The following AK8 variants were observed in gnomAD, a reference collection of about 807,000 sequenced individuals.
AK8 encodes ATP-AMP transphosphorylase 8.
A neutral mutation model predicts 54.6 loss-of-function variants in AK8; 44 were observed. That is an observed-to-expected ratio of 0.81 (90% confidence interval 0.63 to 1.04). The LOEUF is 1.04. Ranked by LOEUF, AK8 falls within the 50% of genes least tolerant of loss-of-function variation. The pLI is 0.00. For missense variants in AK8, 555 were observed against 613.6 expected, an observed-to-expected ratio of 0.90 and a Z score of 1.01; for synonymous variants, 239 against 245.6, an observed-to-expected ratio of 0.97 and a Z score of 0.25.
intron 11 of AK8, among the ~76,000 whole-genome samples, chr9:132,777,420 C>G (rs1210678722): frequency 6.6e-6 from 1 of 152,138 alleles, no homozygotes; most frequent in Non-Finnish European, 1.5e-5. Context: ...AGAAGTAGAT[C>G]AGAGACGAGC....
intron 2 of AK8, among the ~76,000 whole-genome samples, chr9:132,871,798 C>T (rs1377141339): frequency 3.9e-5 from 6 of 152,248 alleles, no homozygotes; most frequent in African/African-American, 1.4e-4. Context: ...GAGACAAAGG[C>T]AGGGAGGTGG....
At chr9:132,806,703 T>G (rs1357556761) in intron 10 of AK8, among the ~76,000 whole-genome samples, 1 of 152,206 alleles carries the variant, frequency 6.6e-6, no homozygotes, top group Admixed American at 6.5e-5. Flanking sequence ...ATGAGAATAT[T>G]AATTCCCCCT....
At chr9:132,775,394 C>T (rs1839167541) in intron 11 of AK8, among the ~76,000 whole-genome samples, 1 of 152,144 alleles carries the variant, frequency 6.6e-6, no homozygotes, top group African/African-American at 2.4e-5. Flanking sequence ...TTTCCACCTC[C>T]TGGATTCAAG....
At chr9:132,870,323 T>C (rs985842926) in intron 2 of AK8, among the ~76,000 whole-genome samples, 11 of 152,252 alleles carry the variant, frequency 7.2e-5, no homozygotes, top group Admixed American at 5.9e-4. Context: ...TAATTATTTA[T>C]AAACAGTGTC....
intron 5 of AK8, among the ~76,000 whole-genome samples, chr9:132,836,714 C>G (rs1398857525): frequency 6.6e-6 from 1 of 152,192 alleles, no homozygotes; most frequent in Non-Finnish European, 1.5e-5. Flanking sequence ...ATGCGGGGGT[C>G]TAGTGAGTTA....
At chr9:132,842,151 G>A (rs1205976165) in intron 5 of AK8, among the ~76,000 whole-genome samples, 2 of 152,224 alleles carry the variant, frequency 1.3e-5, no homozygotes, top group East Asian at 3.8e-4. Flanking sequence ...AGACAAGTAT[G>A]TTCCTAGTGT....
chr9:132,786,890 C>T (rs368529103), intron 11 of AK8, among the ~76,000 whole-genome samples: 1 of 152,024 alleles, frequency 6.6e-6, no homozygotes, highest in African/African-American at 2.4e-5. Context: ...ATGTCATTAA[C>T]ATTTTCAAGA....
At chr9:132,728,656 T>C (rs1258950537) in intron 11 of AK8, among the ~76,000 whole-genome samples, 1 of 152,142 alleles carries the variant, frequency 6.6e-6, no homozygotes, top group Non-Finnish European at 1.5e-5. Flanking sequence ...CTGTCCTCCT[T>C]GGAGAGGTGG....
In AK8 at chr9:132,837,077, T is replaced by C. The variant is rs528133108; in HGVS notation, c.403-8351A>G. Among the ~76,000 whole-genome samples, 54 of 152,176 alleles carry C rather than the reference T, an allele frequency of 3.5e-4. No homozygotes were observed. The highest frequency in any genetic ancestry group is 1.4e-3 in the Admixed American group (21 of 15,308). On this transcript the variant is annotated intron_variant, in intron 5 of 12. Transcript: ENST00000298545. This position sits in a 1 kb window ranked among gnomAD's most constrained non-coding sequence, Gnocchi z 4.3. ...GGTTCACGCCTATAATCCCAGCACT[T>C]TGGGAGGCCAAGGTAGGCGGATCAT...
intron 11 of AK8, among the ~76,000 whole-genome samples, chr9:132,742,832 T>A (rs1284963209): frequency 6.6e-6 from 1 of 152,090 alleles, no homozygotes; most frequent in Admixed American, 6.6e-5. Context: ...TTCATCCTCA[T>A]CACAAGCTTG....
At chr9:132,877,784 G>C in intron 1 of AK8, 1 of 481,782 alleles carries the variant, frequency 2.1e-6, no homozygotes, top group South Asian at 1.5e-5. Context: ...CCACAAATTC[G>C]ACAGATGGTA....
chr9:132,867,656 C>T (rs552699897), intron 2 of AK8, among the ~76,000 whole-genome samples: 1 of 152,328 alleles, frequency 6.6e-6, no homozygotes, highest in African/African-American at 2.4e-5. Flanking sequence ...CCCTGGCCAT[C>T]GTGGAAGCTG....
At chr9:132,819,780 A>G (rs965641942) in intron 9 of AK8, among the ~76,000 whole-genome samples, 1 of 152,218 alleles carries the variant, frequency 6.6e-6, no homozygotes, top group Non-Finnish European at 1.5e-5. Flanking sequence ...CAAAGGATCA[A>G]AATCACATAG....
chr9:132,780,965 G>A (rs1487727170), intron 11 of AK8, among the ~76,000 whole-genome samples: 1 of 151,990 alleles, frequency 6.6e-6, no homozygotes, highest in Non-Finnish European at 1.5e-5. Context: ...AGGGAAAGGA[G>A]GATGCAAAAA....
At chr9:132,788,534 T>C in intron 11 of AK8, among the ~76,000 whole-genome samples, 1 of 152,106 alleles carries the variant, frequency 6.6e-6, no homozygotes, top group East Asian at 1.9e-4. Flanking sequence ...ATGCACTAAA[T>C]AACATAGCAC....
chr9:132,765,313 A>AAAAAAAAAAAAAAAAAG (rs1282305418), intron 11 of AK8, among the ~76,000 whole-genome samples: 1 of 150,840 alleles, frequency 6.6e-6, no homozygotes, highest in African/African-American at 2.4e-5. Context: ...AAAAAAAAAA[A>AAAAAAAAAAAAAAAAAG]AGAGAATTCA....
intron 3 of AK8, 119 bp from the exon 4 acceptor site, chr9:132,863,897 C>T (rs756692188): frequency 8.0e-6 from 6 of 754,268 alleles, no homozygotes; most frequent in Non-Finnish European, 1.3e-5. Flanking sequence ...TGGGGAAGCA[C>T]AATTATTTCC....
intron 11 of AK8, among the ~76,000 whole-genome samples, chr9:132,785,983 C>A (rs1839689158): frequency 6.6e-6 from 1 of 152,216 alleles, no homozygotes; most frequent in South Asian, 2.1e-4. Context: ...AAAACCTAAC[C>A]TACAAGGACA....
intron 3 of AK8, among the ~76,000 whole-genome samples, chr9:132,864,838 C>T (rs1412282376): frequency 2.6e-5 from 4 of 152,304 alleles, no homozygotes; most frequent in South Asian, 2.1e-4. Flanking sequence ...TAGGACAGGA[C>T]GAAGCACAGA....
Sources: allele counts gnomAD v4.1 joint callset (sites outside exome capture counted in the v4.1 genomes callset), GRCh38; gene constraint gnomAD v4.1.1; non-coding constraint Gnocchi (gnomAD v3.1); transcripts MANE v1.5; gene names NCBI Gene and HGNC (gene_info 2026-07-23, HGNC 2026-07-21).